The following MAST4 variants were observed in gnomAD, a reference collection of about 807,000 sequenced individuals.
MAST4 encodes microtubule associated serine/threonine kinase family member 4, also known as microtubule-associated serine/threonine-protein kinase 4.
In MAST4, 89 loss-of-function variants were observed where a neutral mutation model predicts 162.7. That is an observed-to-expected ratio of 0.55 (90% CI 0.46 to 0.65). The LOEUF (loss-of-function observed/expected upper bound fraction) is 0.65, where lower values mean the gene tolerates loss of function less well. Ranked by LOEUF, MAST4 falls within the 30% of genes least tolerant of loss-of-function variation. The pLI, the probability that MAST4 is intolerant of heterozygous loss-of-function variation, is 0.00. For missense variants in MAST4, 3,153 were observed against 3,374.0 expected (o/e 0.93, Z 1.62); for synonymous variants, 1,479 against 1,361.1 (o/e 1.09, Z -1.91).
At chr5:66,958,441 T>G (rs1038747481) in intron 4 of MAST4, among the ~76,000 whole-genome samples, 10 of 152,198 alleles carry the variant, frequency 6.6e-5, no homozygotes, top group Admixed American at 1.3e-4. Context: ...GTTCTTTCTT[T>G]CCCTCCTTAT....
At chr5:67,099,485 TTAATA>T (rs1764796041) in intron 7 of MAST4, among the ~76,000 whole-genome samples, 1 of 152,080 alleles carries the variant, frequency 6.6e-6, no homozygotes, top group Non-Finnish European at 1.5e-5. Flanking sequence ...AAGGATACTC[TTAATA>T]TAATGATTTT....
At chr5:66,633,489 A>G (rs371802577) in intron 1 of MAST4, among the ~76,000 whole-genome samples, 12 of 152,266 alleles carry the variant, frequency 7.9e-5, no homozygotes, top group Admixed American at 3.9e-4. Context: ...AGTCAATCCA[A>G]TGTTTTTTAA....
At chr5:67,020,637 T>A (rs1301256313) in intron 4 of MAST4, among the ~76,000 whole-genome samples, 1 of 152,224 alleles carries the variant, frequency 6.6e-6, no homozygotes, top group Non-Finnish European at 1.5e-5. Context: ...GCCCTTCTCA[T>A]GTAGTAGAAA....
intron 4 of MAST4, among the ~76,000 whole-genome samples, chr5:66,954,413 G>A (rs1306669557): frequency 6.6e-6 from 1 of 152,134 alleles, no homozygotes; most frequent in Non-Finnish European, 1.5e-5. Context: ...TCCTGAATTG[G>A]TGGTTTCTGC....
chr5:67,047,152 A>G (rs1757477425), intron 4 of MAST4, among the ~76,000 whole-genome samples: 1 of 152,264 alleles, frequency 6.6e-6, no homozygotes, highest in Non-Finnish European at 1.5e-5. Flanking sequence ...ACCACAGGCT[A>G]TAAGAGTCCA....
intron 11 of MAST4, among the ~76,000 whole-genome samples, chr5:67,112,416 T>C (rs905335301): frequency 1.1e-4 from 17 of 152,160 alleles, no homozygotes; most frequent in African/African-American, 1.7e-4. Flanking sequence ...TAGCATTAGA[T>C]TCCACAGGTT....
intron 3 of MAST4, among the ~76,000 whole-genome samples, chr5:66,883,409 T>G (rs1761820617): frequency 6.8e-6 from 1 of 148,030 alleles, no homozygotes; most frequent in African/African-American, 2.5e-5. Context: ...CACAGTTGTG[T>G]TGTTCTGTCA....
At chr5:66,624,387 T>C (rs978094985) in intron 1 of MAST4, among the ~76,000 whole-genome samples, 1 of 152,032 alleles carries the variant, frequency 6.6e-6, no homozygotes, top group African/African-American at 2.4e-5. Context: ...TCTCCTGACC[T>C]CGTGATCTGC....
chr5:66,693,216 T>C (rs1749165806), intron 1 of MAST4, among the ~76,000 whole-genome samples: 1 of 152,170 alleles, frequency 6.6e-6, no homozygotes, highest in Non-Finnish European at 1.5e-5. Flanking sequence ...CAACAAGTCA[T>C]TAAAGATCAG....
chr5:67,052,192 T>C (rs1233255328), intron 4 of MAST4, among the ~76,000 whole-genome samples: 1 of 152,182 alleles, frequency 6.6e-6, no homozygotes, highest in East Asian at 1.9e-4. Context: ...AATAGCCTGT[T>C]TTCTTTCACT....
chr5:66,781,584 A>T (rs1290731877), intron 2 of MAST4, among the ~76,000 whole-genome samples: 1 of 152,136 alleles, frequency 6.6e-6, no homozygotes, highest in East Asian at 1.9e-4. Context: ...TGAGAGCGAT[A>T]TCTGGGCCAC....
At chr5:66,876,928 A>G (rs1320663874) in intron 3 of MAST4, among the ~76,000 whole-genome samples, 1 of 152,242 alleles carries the variant, frequency 6.6e-6, no homozygotes, top group African/African-American at 2.4e-5. Context: ...ACTGTGTGGA[A>G]CCAAGCTTAA....
At chr5:66,818,249 G>A (rs183967757) in intron 3 of MAST4, among the ~76,000 whole-genome samples, 6 of 152,144 alleles carry the variant, frequency 3.9e-5, no homozygotes, top group East Asian at 1.9e-4. Flanking sequence ...CTAGGCATAC[G>A]TTTGCTTTTC....
At chr5:66,752,968 A>G (rs1244580593) in intron 1 of MAST4, among the ~76,000 whole-genome samples, 2 of 151,712 alleles carry the variant, frequency 1.3e-5, no homozygotes, top group African/African-American at 4.8e-5. Context: ...ACCACAGTGC[A>G]ATCAAACTAG....
chr5:67,040,658 A>T lies in MAST4; in HGVS notation c.675-13746A>T, dbSNP rs535468088. On this transcript the variant is annotated intron_variant, in intron 4 of 28. Transcript: ENST00000403625. ...ACCTGACCCTCATGCTACAGACTCA[A>T]AAGTCTGGTTTGGTTGGTATCCTAA... 3.3e-5 allele frequency among the ~76,000 whole-genome samples: 5 copies of T among 152,346 alleles called. No homozygotes were observed. In the South Asian group the frequency reaches 1.0e-3, roughly 32 times the overall value.
Position 67,165,064 on chromosome 5 carries a change from C to G in MAST4, c.5885C>G (p.Ser1962Cys). 1.9e-6 allele frequency: 3 copies of G among 1,602,524 alleles called. No individual in the cohort carries two copies. Among genetic ancestry groups the G allele is most frequent in the Non-Finnish European group, 2.6e-6 (3 of 1,174,598 alleles). ...RPRCPLPPEASPSREKPGLRE... is the reference protein window; with the variant it reads ...RPRCPLPPEACPSREKPGLRE... ...CGCTGCCCGCTCCCACCTGAAGCTT[C>G]CCCCTCAAGGGAGAAGCCAGGCCTG... Residue 1962 changes from serine to cysteine, a missense_variant, in exon 29 of 29, where the codon TCC (serine) becomes TGC (cysteine). Ser to Cys is a moderately radical substitution (Grantham distance 112). Transcript: ENST00000403625.
intron 1 of MAST4, among the ~76,000 whole-genome samples, chr5:66,725,120 AT>A (rs1330915334): frequency 2.6e-5 from 4 of 151,724 alleles, no homozygotes; most frequent in African/African-American, 9.7e-5. Flanking sequence ...ATTTCTGCCA[AT>A]TTTGTTCAAT....
In MAST4 at chr5:67,078,748, T is replaced by TTATTTATATTTATCTAAATATA. The variant is rs1554093748; in HGVS notation, c.764-11410_764-11389dup. On this transcript the variant is annotated intron_variant, in intron 5 of 28. Coordinates refer to ENST00000403625, the MANE Select transcript of MAST4 (RefSeq NM_001164664.2). ...TATTTATATTTATCTAAATATATAT[T>TTATTTATATTTATCTAAATATA]TATTTATATTTATCTAAATATATAT... Among the ~76,000 whole-genome samples, 134 of 133,136 alleles carry TTATTTATATTTATCTAAATATA rather than the reference T, an allele frequency of 1.0e-3. 1 individual carries two copies. Among genetic ancestry groups the TTATTTATATTTATCTAAATATA allele is most frequent in the African/African-American group, 3.5e-3 (126 of 35,668 alleles). The allele number at this position is 133,136 out of a possible 152,430, so 87.3% of individuals were successfully genotyped here. A position where few individuals can be genotyped will look rare whatever the true frequency, so the allele number is the denominator to read the frequency against.
chr5:67,069,881 A>AGTGTGTGTGTGTGT (rs200867949), intron 5 of MAST4, among the ~76,000 whole-genome samples: 354 of 142,744 alleles, frequency 2.5e-3, no homozygotes, highest in African/African-American at 5.2e-3. Flanking sequence ...TTTGAGAGAA[A>AGTGTGTGTGTGTGT]GTGTGTGTGT....
Sources: allele counts gnomAD v4.1 joint callset (sites outside exome capture counted in the v4.1 genomes callset), GRCh38; gene constraint gnomAD v4.1.1; transcripts MANE v1.5; gene names NCBI Gene and HGNC (gene_info 2026-07-23, HGNC 2026-07-21).